The following CSMD2 variants were observed in gnomAD, a reference collection of about 807,000 sequenced individuals.
The protein encoded by CSMD2 is CUB and Sushi multiple domains 2.
A neutral mutation model predicts 398.5 loss-of-function variants in CSMD2; 130 were observed. The observed-to-expected ratio is 0.33, with a 90% CI of 0.28 to 0.38. CSMD2 has a LOEUF of 0.38. Among genes scored for constraint, CSMD2 ranks in the 10% least tolerant of loss-of-function variants. The probability of loss-of-function intolerance (pLI) is 1.00; values close to 1 mark genes in which losing one functional copy is unlikely to be tolerated. For missense variants in CSMD2, 3,829 were observed against 4,764.9 expected (o/e 0.80, Z 5.78); for synonymous variants, 1,828 against 1,908.5 (o/e 0.96, Z 1.10).
At chr1:33,745,384 C>T (rs1647262935) in intron 13 of CSMD2, among the ~76,000 whole-genome samples, 1 of 152,052 alleles carries the variant, frequency 6.6e-6, no homozygotes, top group African/African-American at 2.4e-5. Context: ...AAGGTAGTTC[C>T]AAATATGGAT....
At chr1:33,582,747 T>TG (rs1369154288) in intron 47 of CSMD2, among the ~76,000 whole-genome samples, 3 of 152,176 alleles carry the variant, frequency 2.0e-5, no homozygotes, top group African/African-American at 7.2e-5. Flanking sequence ...TGGGAATAAA[T>TG]GGAGTCCTGG....
At chr1:33,731,731 C>T (rs1646726736) in intron 15 of CSMD2, among the ~76,000 whole-genome samples, 1 of 152,172 alleles carries the variant, frequency 6.6e-6, no homozygotes, top group African/African-American at 2.4e-5. Flanking sequence ...AGGATACTGA[C>T]TTAAAAATAC....
rs1169611581 is a variant in CSMD2, at chr1:33,998,327, TCTCAGCCTCCATAA to T, written c.517+34253_517+34266del. On this transcript the variant is annotated intron_variant, in intron 3 of 70. Coordinates refer to ENST00000373381, the MANE Select transcript of CSMD2 (RefSeq NM_001281956.2). ...AGATGTGGCCCCTAGTCCTTGGATT[TCTCAGCCTCCATAA>T]CTCAGCCTCCATTCCTTTTTAAATA... 5.3e-5 allele frequency among the ~76,000 whole-genome samples: 8 copies of T among 152,330 alleles called. No individual in the cohort carries two copies. The South Asian group carries it at 1.7e-3, about 32-fold the overall frequency.
chr1:33,860,861 T>C (rs1003016296), intron 5 of CSMD2: 1 of 152,212 alleles, frequency 6.6e-6, no homozygotes, highest in African/African-American at 2.4e-5. Flanking sequence ...AAATCCATTC[T>C]TGGAGTGTGA....
chr1:33,943,315 C>T (rs1644735589), intron 3 of CSMD2, among the ~76,000 whole-genome samples: 1 of 152,072 alleles, frequency 6.6e-6, no homozygotes, highest in Admixed American at 6.6e-5. Context: ...CTCATCTTGT[C>T]CTCTCTACCT....
At chr1:33,751,825 C>T (rs1459280048) in intron 13 of CSMD2, among the ~76,000 whole-genome samples, 2 of 151,814 alleles carry the variant, frequency 1.3e-5, no homozygotes, top group African/African-American at 4.8e-5. Context: ...TAGGGTTTCA[C>T]CATGTTGGCC....
intron 10 of CSMD2, among the ~76,000 whole-genome samples, chr1:33,795,235 G>A (rs1358922079): frequency 1.3e-5 from 2 of 152,176 alleles, no homozygotes; most frequent in African/African-American, 4.8e-5. Context: ...AGTGTTTGGA[G>A]CGAGTTATTA....
intron 5 of CSMD2, among the ~76,000 whole-genome samples, chr1:33,908,369 C>T (rs1643246445): frequency 6.6e-6 from 1 of 152,228 alleles, no homozygotes; most frequent in South Asian, 2.1e-4. Flanking sequence ...CTGGAGGACC[C>T]AGAACAACTC....
intron 1 of CSMD2, among the ~76,000 whole-genome samples, chr1:34,127,306 C>T (rs1299873391): frequency 6.6e-6 from 1 of 152,110 alleles, no homozygotes; most frequent in Non-Finnish European, 1.5e-5. Context: ...GAGTTCAGGG[C>T]CCAAAAAGCT....
chr1:33,634,921 A>T (rs1185399442), intron 31 of CSMD2, among the ~76,000 whole-genome samples: 1 of 152,030 alleles, frequency 6.6e-6, no homozygotes, highest in Non-Finnish European at 1.5e-5. Flanking sequence ...CTTGGGCCAT[A>T]CTGGGTAGTC....
chr1:33,853,759 T>C (rs1304994024), intron 5 of CSMD2, among the ~76,000 whole-genome samples: 1 of 152,142 alleles, frequency 6.6e-6, no homozygotes, highest in Non-Finnish European at 1.5e-5. Context: ...CTGGCTTCTT[T>C]GGGGGAGGCA....
At chr1:33,976,450 G>T (rs879926072) in intron 3 of CSMD2, among the ~76,000 whole-genome samples, 10 of 152,150 alleles carry the variant, frequency 6.6e-5, no homozygotes, top group African/African-American at 1.2e-4. Flanking sequence ...ACCCACCATT[G>T]CAGCACTATC....
intron 46 of CSMD2, among the ~76,000 whole-genome samples, chr1:33,585,244 C>G (rs2781789): frequency 0.58 from 87,695 of 151,996 alleles, 25,549 homozygotes; most frequent in East Asian, 0.75. Context: ...TGGGACACTG[C>G]TAAAAGGGAG....
At chr1:34,140,226 A>G (rs368866565) in intron 1 of CSMD2, among the ~76,000 whole-genome samples, 32 of 150,992 alleles carry the variant, frequency 2.1e-4, no homozygotes, top group East Asian at 1.4e-3. Context: ...TGAGGAAGTG[A>G]AACTTGAGCC....
chr1:33,998,656 A>G (rs1294892489), intron 3 of CSMD2, among the ~76,000 whole-genome samples: 1 of 152,210 alleles, frequency 6.6e-6, no homozygotes, highest in South Asian at 2.1e-4. Context: ...GGCACAGGTG[A>G]AAGAGCCTGG....
At chr1:33,790,557 T>C (rs1654108334) in intron 11 of CSMD2, among the ~76,000 whole-genome samples, 1 of 152,230 alleles carries the variant, frequency 6.6e-6, no homozygotes, top group Non-Finnish European at 1.5e-5. Flanking sequence ...ATCCTGGGTT[T>C]CTAGCTTCTT....
intron 13 of CSMD2, among the ~76,000 whole-genome samples, chr1:33,756,626 G>C (rs79675424): frequency 0.03 from 4,610 of 152,268 alleles, 91 homozygotes; most frequent in African/African-American, 0.052. Context: ...GGACAGAAGG[G>C]AGGCCAGCAT....
chr1:34,137,094 C>T (rs1460543786), intron 1 of CSMD2, among the ~76,000 whole-genome samples: 3 of 152,070 alleles, frequency 2.0e-5, no homozygotes, highest in Non-Finnish European at 4.4e-5. Context: ...ATTCATTGAT[C>T]CCAAATACCC....
intron 21 of CSMD2, among the ~76,000 whole-genome samples, chr1:33,714,012 C>T (rs1646077238): frequency 6.6e-6 from 1 of 152,216 alleles, no homozygotes. Context: ...TTTGTACCTT[C>T]AGAACCTAGC....
Sources: gnomAD v4.1 joint callset for allele counts (sites outside exome capture counted in the v4.1 genomes callset) on GRCh38, gnomAD v4.1.1 for gene constraint, MANE v1.5 for transcripts, NCBI Gene and HGNC (gene_info 2026-07-23, HGNC 2026-07-21) for gene names.